Variants in ANKS1B observed in about 807,000 individuals in gnomAD.
The protein encoded by ANKS1B is ankyrin repeat and sterile alpha motif domain containing 1B, also known as ankyrin repeat and sterile alpha motif domain-containing protein 1B.
In ANKS1B, 36 loss-of-function variants were observed where a neutral mutation model predicts 148.3. That is an observed-to-expected ratio of 0.24 (90% confidence interval 0.19 to 0.32). The LOEUF (loss-of-function observed/expected upper bound fraction) is 0.32, where lower values mean the gene tolerates loss of function less well. ANKS1B is among the 10% of genes least tolerant of loss of function. The pLI, the probability that ANKS1B is intolerant of heterozygous loss-of-function variation, is 1.00. For missense variants in ANKS1B, 1,157 were observed against 1,542.6 expected (o/e 0.75, Z 4.19); for synonymous variants, 542 against 560.8 (o/e 0.97, Z 0.47).
chr12:99,781,595 C>A lies in ANKS1B; in HGVS notation c.745+427G>T, dbSNP rs997952282. On this transcript the variant is annotated intron_variant, in intron 5 of 26. Transcript: ENST00000683438. Reference sequence around the variant, plus strand: ...TGAACTAACTAGAAGGACAATTTACCTTAAAGAGAGGGAACTCAAATCTCT... The same window carrying A: ...TGAACTAACTAGAAGGACAATTTACATTAAAGAGAGGGAACTCAAATCTCT... 3.5e-4 allele frequency among the ~76,000 whole-genome samples: 54 copies of A among 152,132 alleles called. 1 individual carries two copies.
At chr12:99,680,863 G>A (rs577708001) in intron 8 of ANKS1B, among the ~76,000 whole-genome samples, 5 of 152,132 alleles carry the variant, frequency 3.3e-5, no homozygotes, top group South Asian at 4.2e-4. Context: ...AGTGAGGCCC[G>A]TCACTGCCAG....
At chr12:99,622,798 C>A (rs1181703972) in intron 9 of ANKS1B, among the ~76,000 whole-genome samples, 1 of 151,822 alleles carries the variant, frequency 6.6e-6, no homozygotes, top group Non-Finnish European at 1.5e-5. Flanking sequence ...TGGATTCACA[C>A]CTAAATTCTA....
intron 12 of ANKS1B, among the ~76,000 whole-genome samples, chr12:99,294,401 T>C (rs1298874949): frequency 1.3e-5 from 2 of 152,192 alleles, no homozygotes; most frequent in Non-Finnish European, 1.5e-5. Context: ...GAGGACATCA[T>C]GTTAAGTGAA....
chr12:98,876,192 ACACT>A (rs1382862867), intron 17 of ANKS1B, among the ~76,000 whole-genome samples: 1 of 152,036 alleles, frequency 6.6e-6, no homozygotes, highest in African/African-American at 2.4e-5. Flanking sequence ...CCTCTTCCTC[ACACT>A]CACTCATATT....
At chr12:98,747,289 G>A (rs767143340) in intron 26 of ANKS1B, among the ~76,000 whole-genome samples, 7 of 152,116 alleles carry the variant, frequency 4.6e-5, no homozygotes, top group Non-Finnish European at 8.8e-5. Context: ...ACAGGCAATA[G>A]AACTGAACAG....
intron 17 of ANKS1B, among the ~76,000 whole-genome samples, chr12:98,972,656 C>T (rs115113267): frequency 0.012 from 1,790 of 152,274 alleles, 38 homozygotes; most frequent in African/African-American, 0.041. Flanking sequence ...TTTAAAGTGG[C>T]ATTCCAGCTG....
intron 8 of ANKS1B, among the ~76,000 whole-genome samples, chr12:99,758,885 T>G (rs1472164368): frequency 1.3e-5 from 2 of 151,878 alleles, no homozygotes; most frequent in South Asian, 2.1e-4. Context: ...AAACTAGGAT[T>G]AGAGATTCAA....
intron 8 of ANKS1B, among the ~76,000 whole-genome samples, chr12:99,738,848 G>A (rs1454442672): frequency 6.6e-6 from 1 of 152,150 alleles, no homozygotes; most frequent in Admixed American, 6.5e-5. Context: ...ATGTGAGGCT[G>A]GAGGTGAAAG....
intron 2 of ANKS1B, 138 bp from the exon 3 acceptor site, chr12:99,812,449 T>C: frequency 3.0e-6 from 3 of 1,000,746 alleles, no homozygotes; most frequent in East Asian, 2.7e-5. Flanking sequence ...AAGTTGGGTT[T>C]CAAAGTTTTT....
At chr12:99,039,236 G>T (rs540916718) in intron 17 of ANKS1B, among the ~76,000 whole-genome samples, 1 of 152,332 alleles carries the variant, frequency 6.6e-6, no homozygotes, top group East Asian at 1.9e-4. Context: ...CATGCCAACT[G>T]ATGGCAGCAC....
intron 22 of ANKS1B, chr12:98,794,626 CAA>C: frequency 1.2e-6 from 1 of 828,974 alleles, no homozygotes; most frequent in Non-Finnish European, 2.1e-6. Context: ...GCGATCCTCA[CAA>C]AGTTAGGTGG....
chr12:99,268,923 T>A (rs1056377113), intron 12 of ANKS1B, among the ~76,000 whole-genome samples: 65 of 152,170 alleles, frequency 4.3e-4, no homozygotes, highest in Non-Finnish European at 1.0e-4. Flanking sequence ...TGGAATAAAA[T>A]CTAACATGGA....
intron 17 of ANKS1B, among the ~76,000 whole-genome samples, chr12:99,019,374 GAA>G (rs1350497333): frequency 6.6e-6 from 1 of 152,164 alleles, no homozygotes; most frequent in African/African-American, 2.4e-5. Flanking sequence ...GTAAGAATTT[GAA>G]AAGAGGATAC....
At chr12:99,798,488 T>C (rs1382457443) in intron 4 of ANKS1B, among the ~76,000 whole-genome samples, 1 of 150,782 alleles carries the variant, frequency 6.6e-6, no homozygotes, top group Non-Finnish European at 1.5e-5. Context: ...AAACATATGA[T>C]GTCTGAACAA....
rs2088955276 is a variant in ANKS1B at position 99,240,092 on chromosome 12, T to C, written c.2419+4250A>G. Among the ~76,000 whole-genome samples the C allele has an allele frequency of 2.0e-5, 3 of 152,214 alleles. No homozygotes were observed. The South Asian group carries it at 6.2e-4, about 32-fold the overall frequency. ...TAACCTTAAATGTAAATAGGCTAAATGTCCCTATTAAAAGACACAGACTGG... is the reference window on the plus strand; with the variant it reads ...TAACCTTAAATGTAAATAGGCTAAACGTCCCTATTAAAAGACACAGACTGG... On this transcript the variant is annotated intron_variant, in intron 14 of 26. Coordinates refer to ENST00000683438, the MANE Select transcript of ANKS1B (RefSeq NM_001352186.2).
chr12:99,244,193 T>A (rs1312832574), intron 14 of ANKS1B, 149 bp downstream of exon 14: 2 of 575,482 alleles, frequency 3.5e-6, no homozygotes, highest in South Asian at 2.5e-5. Context: ...GTTGCTTATA[T>A]GTCATTGTTG....
chr12:99,203,227 A>C lies in ANKS1B; in HGVS notation c.2419+41115T>G, dbSNP rs1399099232. Among the ~76,000 whole-genome samples the C allele has an allele frequency of 5.3e-5, 8 of 152,178 alleles. No individual in the cohort carries two copies. In the East Asian group the frequency reaches 1.5e-3, roughly 29 times the overall value. ...GGAGGGTAGGGTGAGCTCCTTACCAAGGGGCCATGATCAGAGTCCTACCTC... is the reference window on the plus strand; with the variant it reads ...GGAGGGTAGGGTGAGCTCCTTACCACGGGGCCATGATCAGAGTCCTACCTC... On this transcript the variant is annotated intron_variant, in intron 14 of 26. Coordinates refer to ENST00000683438, the MANE Select transcript of ANKS1B (RefSeq NM_001352186.2).
chr12:98,833,612 G>C (rs773398268), intron 17 of ANKS1B, among the ~76,000 whole-genome samples: 2 of 151,892 alleles, frequency 1.3e-5, no homozygotes, highest in Non-Finnish European at 2.9e-5. Context: ...TTTTAATTTA[G>C]ATGTAGGTGG....
chr12:98,837,684 A>C lies in ANKS1B; in HGVS notation c.2779-5548T>G, dbSNP rs373754744. ...AGACAGTATCATGATATACCCTTAC[A>C]TGGAATAGCTTACTTCAGAATATAT... On this transcript the variant is annotated intron_variant, in intron 17 of 26. Coordinates refer to ENST00000683438, the MANE Select transcript of ANKS1B (RefSeq NM_001352186.2). 1.4e-4 allele frequency among the ~76,000 whole-genome samples: 21 copies of C among 152,278 alleles called. 1 individual carries two copies. The highest frequency in any genetic ancestry group is 5.1e-4 in the African/African-American group (21 of 41,558).
Sources: allele counts gnomAD v4.1 joint callset (sites outside exome capture counted in the v4.1 genomes callset), GRCh38; gene constraint gnomAD v4.1.1; transcripts MANE v1.5; gene names NCBI Gene and HGNC (gene_info 2026-07-23, HGNC 2026-07-21).